The following SCARA3 variants were observed in gnomAD, a reference collection of about 807,000 sequenced individuals.
The protein encoded by SCARA3 is cellular stress response gene protein.
SCARA3 carries 39 observed loss-of-function variants against 47.0 expected under a neutral mutation model. The observed-to-expected ratio is 0.83, with a 90% CI of 0.64 to 1.08. The LOEUF (loss-of-function observed/expected upper bound fraction) is 1.08, where lower values mean the gene tolerates loss of function less well. Among genes scored for constraint, SCARA3 ranks in the 50% least tolerant of loss-of-function variants. The pLI is 0.00. For synonymous variants in SCARA3, 356 were observed against 334.1 expected, an observed-to-expected ratio of 1.07 and a Z score of -0.71; for missense variants, 724 against 792.3, an observed-to-expected ratio of 0.91 and a Z score of 1.04.
chr8:27,651,773 C>A, intron 3 of SCARA3, 146 bp downstream of exon 3: 3 of 1,167,060 alleles, frequency 2.6e-6, no homozygotes, highest in Non-Finnish European at 3.6e-6. Flanking sequence ...GATCTCTATG[C>A]CTAATGCAAA....
chr8:27,720,618 CTCCATCCATCCATCCATCCATCCA>C, the SCARA3 span, among the ~76,000 whole-genome samples: 1 of 145,366 alleles, frequency 6.9e-6, no homozygotes, highest in Non-Finnish European at 1.5e-5. Flanking sequence ...TCCTTTCTAT[CTCCATCCATCCATCCATCCATCCA>C]TCCATCCATC....
chr8:27,646,152 T>C (rs779920000), intron 1 of SCARA3, among the ~76,000 whole-genome samples: 55 of 152,096 alleles, frequency 3.6e-4, no homozygotes, highest in South Asian at 1.7e-3. Flanking sequence ...TCTTTGGGGA[T>C]TGGGGAGGGC....
At position 27,635,747 on chromosome 8, in the gene SCARA3, T is replaced by G. The variant is rs574131650; in HGVS notation, c.7+1540T>G. ...CTGGGATTACAGCCTTGATCCACCA[T>G]GAGGCCTGAAATTCTTATAATTTTT... On this transcript the variant is annotated intron_variant, in intron 1 of 5. Coordinates refer to ENST00000301904, the MANE Select transcript of SCARA3 (RefSeq NM_016240.3). Among the ~76,000 whole-genome samples the G allele has an allele frequency of 7.2e-5, 11 of 152,228 alleles. No homozygotes were observed. In the South Asian group the frequency reaches 2.3e-3, roughly 32 times the overall value.
the SCARA3 span, among the ~76,000 whole-genome samples, chr8:27,731,473 C>G: frequency 6.6e-6 from 1 of 151,738 alleles, no homozygotes; most frequent in African/African-American, 2.4e-5. Context: ...CATGGCAAAA[C>G]CCCGTCTCTA....
At chr8:27,704,002 G>T in the SCARA3 span, among the ~76,000 whole-genome samples, 1 of 151,812 alleles carries the variant, frequency 6.6e-6, no homozygotes, top group South Asian at 2.1e-4. Context: ...ATAAATAAAG[G>T]TTAAAAGTAA....
the SCARA3 span, among the ~76,000 whole-genome samples, chr8:27,691,576 C>T: frequency 6.6e-6 from 1 of 152,094 alleles, no homozygotes. Context: ...GAAGTCCCTC[C>T]GTCTGCTGCA....
At chr8:27,718,718 T>C in the SCARA3 span, among the ~76,000 whole-genome samples, 1 of 152,362 alleles carries the variant, frequency 6.6e-6, no homozygotes, top group East Asian at 1.9e-4. Flanking sequence ...GAATGCTCTA[T>C]GTATTTCCAT....
At chr8:27,639,503 T>C (rs1007843013) in intron 1 of SCARA3, among the ~76,000 whole-genome samples, 1 of 151,814 alleles carries the variant, frequency 6.6e-6, no homozygotes. Context: ...CAGCAGGTCC[T>C]GGGGGAAGAG....
In SCARA3 at chr8:27,651,499, C is replaced by G. The variant is rs200137414; in HGVS notation, c.107-9C>G. On this transcript the variant is annotated splice_polypyrimidine_tract_variant and intron_variant, in intron 2 of 5. Transcript: ENST00000301904. ...GCCTAAGCCATTGTCCTCCTTGTGTCCCCCACAGGCCGGCCAGGGCCCCGC... is the reference window on the plus strand; with the variant it reads ...GCCTAAGCCATTGTCCTCCTTGTGTGCCCCACAGGCCGGCCAGGGCCCCGC... 3.0e-5 allele frequency: 48 copies of G among 1,610,176 alleles called. No homozygotes were observed. The African/African-American group carries it at 5.7e-4, about 19-fold the overall frequency.
the SCARA3 span, among the ~76,000 whole-genome samples, chr8:27,725,235 A>G: frequency 6.6e-6 from 1 of 152,206 alleles, no homozygotes. Flanking sequence ...GATATGAAGA[A>G]GAAGCAGATG....
chr8:27,668,248 A>G (rs1802060857), intron 5 of SCARA3, among the ~76,000 whole-genome samples: 1 of 152,206 alleles, frequency 6.6e-6, no homozygotes, highest in Admixed American at 6.5e-5. Flanking sequence ...AATCCCTTAG[A>G]AATCACAGAT....
downstream of SCARA3, among the ~76,000 whole-genome samples, chr8:27,678,902 T>C (rs577340073): frequency 6.6e-6 from 1 of 152,116 alleles, no homozygotes; most frequent in Non-Finnish European, 1.5e-5. Context: ...CAAAAATCAA[T>C]GTAGGCCAGG....
intron 1 of SCARA3, among the ~76,000 whole-genome samples, chr8:27,643,429 G>A (rs746821629): frequency 7.9e-5 from 12 of 152,144 alleles, no homozygotes; most frequent in Admixed American, 5.9e-4. Flanking sequence ...GCAGAGCCAC[G>A]GAAGCAGAAA....
intron 1 of SCARA3, among the ~76,000 whole-genome samples, chr8:27,639,305 T>A (rs1249092914): frequency 6.6e-6 from 1 of 152,110 alleles, no homozygotes; most frequent in African/African-American, 2.4e-5. Context: ...GAGAACCGAA[T>A]CATCCAGGCA....
the SCARA3 span, among the ~76,000 whole-genome samples, chr8:27,693,350 T>C: frequency 2.6e-5 from 4 of 152,186 alleles, no homozygotes; most frequent in African/African-American, 9.7e-5. Flanking sequence ...CCGGCCATAG[T>C]CACTCATATT....
At chr8:27,727,356 T>G in the SCARA3 span, among the ~76,000 whole-genome samples, 1 of 152,338 alleles carries the variant, frequency 6.6e-6, no homozygotes, top group African/African-American at 2.4e-5. Context: ...ACTTCCTGTG[T>G]CCAGCCTTCT....
chr8:27,649,600 CAG>C (rs1429119066), intron 1 of SCARA3, 100 bp from the exon 2 acceptor site: 4 of 1,094,174 alleles, frequency 3.7e-6, no homozygotes, highest in Non-Finnish European at 5.5e-6. Flanking sequence ...TGAGCTGGCT[CAG>C]GGGTAGAGGT....
At chr8:27,645,594 C>T (rs567588069) in intron 1 of SCARA3, among the ~76,000 whole-genome samples, 34 of 152,376 alleles carry the variant, frequency 2.2e-4, no homozygotes, top group African/African-American at 7.0e-4. Context: ...CACTTAACCT[C>T]TCTGAGCCTT....
At chr8:27,704,024 G>T in the SCARA3 span, among the ~76,000 whole-genome samples, 6 of 151,896 alleles carry the variant, frequency 4.0e-5, no homozygotes, top group Admixed American at 3.3e-4. Flanking sequence ...TAGCTTAAGG[G>T]GAGAGAGGGC....
Sources: gnomAD v4.1 joint callset for allele counts (sites outside exome capture counted in the v4.1 genomes callset) on GRCh38, gnomAD v4.1.1 for gene constraint, MANE v1.5 for transcripts, NCBI Gene and HGNC (gene_info 2026-07-23, HGNC 2026-07-21) for gene names.